The following STX2 variants were observed in gnomAD, a reference collection of about 807,000 sequenced individuals.
STX2 encodes the protein syntaxin-2.
STX2 carries 27 observed loss-of-function variants against 40.6 expected under a neutral mutation model. That is an observed-to-expected ratio of 0.66 (90% CI 0.49 to 0.92). The LOEUF (loss-of-function observed/expected upper bound fraction) is 0.92. Ranked by LOEUF, STX2 falls within the 40% of genes least tolerant of loss-of-function variation. The pLI is 0.00. For synonymous variants in STX2, 123 were observed against 119.1 expected (o/e 1.03, Z -0.22); for missense variants, 328 against 366.1 (o/e 0.90, Z 0.85).
intron 3 of STX2, among the ~76,000 whole-genome samples, 172 bp downstream of exon 3, chr12:130,821,517 A>G (rs867073467): frequency 1.3e-5 from 2 of 152,066 alleles, no homozygotes; most frequent in African/African-American, 2.4e-5. Flanking sequence ...AAAAAAAAAC[A>G]TACAGATGCC....
At chr12:130,815,941 A>G (rs924972652) in intron 3 of STX2, among the ~76,000 whole-genome samples, 2 of 152,138 alleles carry the variant, frequency 1.3e-5, no homozygotes, top group African/African-American at 4.8e-5. Flanking sequence ...TTAGAATAGT[A>G]AAGGGAACAC....
chr12:130,812,412 C>T lies in STX2; in HGVS notation c.280+545G>A, dbSNP rs148794560. 2.6e-3 allele frequency: 1,181 copies of T among 453,128 alleles called. 7 individuals are homozygous for T. The highest frequency in any genetic ancestry group is 4.1e-3 in the Non-Finnish European group (934 of 225,698). 28.1% of individuals were successfully genotyped at this position (453,128 alleles called of 1,614,324 possible). Reference sequence around the variant, plus strand: ...TGGAGCTGGGGGGTCGGCTTGTGGTCGCCTCTCTCTGCTTCTGCACACATC... The same window carrying T: ...TGGAGCTGGGGGGTCGGCTTGTGGTTGCCTCTCTCTGCTTCTGCACACATC... On this transcript the variant is annotated intron_variant, in intron 4 of 10. Coordinates refer to ENST00000392373, the MANE Select transcript of STX2 (RefSeq NM_194356.4).
chr12:130,811,328 A>G lies in STX2; in HGVS notation c.280+1629T>C, dbSNP rs1028841862. 2.1e-5 allele frequency among the ~76,000 whole-genome samples: 3 copies of G among 142,632 alleles called. No individual in the cohort carries two copies. The Admixed American group carries it at 2.2e-4, about 11-fold the overall frequency. 93.6% of individuals were successfully genotyped at this position (142,632 alleles called of 152,430 possible). A position where few individuals can be genotyped will look rare whatever the true frequency, so the allele number is the denominator to read the frequency against. On this transcript the variant is annotated intron_variant, in intron 4 of 10. Coordinates refer to ENST00000392373, the MANE Select transcript of STX2 (RefSeq NM_194356.4). ...AGCCGAGATTGTGCCACTGCACTTC[A>G]ACCTGGGTGACAGAGTGAGACTCTG...
At chr12:130,810,418 G>T (rs1951603832) in intron 4 of STX2, among the ~76,000 whole-genome samples, 1 of 152,118 alleles carries the variant, frequency 6.6e-6, no homozygotes, top group South Asian at 2.1e-4. Flanking sequence ...GAATGGTCAG[G>T]TCATCGTCAT....
chr12:130,808,696 G>C lies in STX2; in HGVS notation c.289C>G (p.Gln97Glu), dbSNP rs1186976657. ...CCACTCTCATCCTGATCAAAACTTT[G>C]TTCAATAGCTAGGAACAAATAGGAA... ...KIRAKLKAIE[Q>E]SFDQDESGNR... Residue 97 changes from glutamine (Q) to glutamate (E), a missense_variant, in exon 5 of 11, where the codon CAA becomes GAA. Physicochemically the swap from Gln to Glu is conservative, Grantham distance 29. Coordinates refer to ENST00000392373, the MANE Select transcript of STX2 (RefSeq NM_194356.4). The C allele has an allele frequency of 6.2e-7, 1 of 1,610,768 alleles. No homozygotes were observed. The highest frequency in any genetic ancestry group is 1.7e-5 in the Admixed American group (1 of 59,328).
chr12:130,791,674 A>G lies in STX2; in HGVS notation c.*349T>C. ...GTGAGAGAAGTCTCACACTGCTCAC[A>G]TTCTGTAGTGTGTCATTCAGGGTCA... is the stretch of plus-strand genomic sequence containing the variant. On this transcript the variant is annotated 3_prime_UTR_variant, in exon 11 of 11. Transcript: ENST00000392373. 1 of 473,456 alleles carries G rather than the reference A, an allele frequency of 2.1e-6. No individual in the cohort carries two copies. The highest frequency in any genetic ancestry group is 3.7e-6 in the Non-Finnish European group (1 of 268,954). The allele number at this position is 473,456 out of a possible 1,614,324, so 29.3% of individuals were successfully genotyped here. A position where few individuals can be genotyped will look rare whatever the true frequency, so the allele number is the denominator to read the frequency against.
chr12:130,826,398 G>A (rs1302931218), intron 2 of STX2, among the ~76,000 whole-genome samples: 1 of 152,146 alleles, frequency 6.6e-6, no homozygotes, highest in Non-Finnish European at 1.5e-5. Context: ...CCTCCAAAAG[G>A]CAGCCTGCAA....
intron 1 of STX2, among the ~76,000 whole-genome samples, chr12:130,836,821 C>A (rs991509181): frequency 6.6e-6 from 1 of 152,192 alleles, no homozygotes; most frequent in Admixed American, 6.5e-5. Context: ...TGAGTGGAAA[C>A]TTCCACGGAT....
At chr12:130,818,559 T>TC (rs1951979198) in intron 3 of STX2, among the ~76,000 whole-genome samples, 1 of 152,162 alleles carries the variant, frequency 6.6e-6, no homozygotes, top group South Asian at 2.1e-4. Flanking sequence ...CGCGGCTTCC[T>TC]CCAGGGCCTC....
At chr12:130,795,057 A>G (rs1320247818) in intron 10 of STX2, among the ~76,000 whole-genome samples, 4 of 152,224 alleles carry the variant, frequency 2.6e-5, no homozygotes, top group Admixed American at 2.6e-4. Context: ...GAAGTTTAGG[A>G]AAGGTGACAC....
At chr12:130,811,983 C>T (rs567817412) in intron 4 of STX2, among the ~76,000 whole-genome samples, 33 of 152,216 alleles carry the variant, frequency 2.2e-4, no homozygotes, top group African/African-American at 7.2e-4. Context: ...ATTCAGAGGA[C>T]GGCAGAGCCT....
chr12:130,806,084 G>A (rs1951421323), intron 6 of STX2, among the ~76,000 whole-genome samples: 1 of 152,200 alleles, frequency 6.6e-6, no homozygotes, highest in African/African-American at 2.4e-5. Context: ...ACAAGCAAGA[G>A]AAACTGACCA....
intron 3 of STX2, among the ~76,000 whole-genome samples, chr12:130,816,545 G>A (rs1350910968): frequency 1.3e-5 from 2 of 152,212 alleles, no homozygotes; most frequent in African/African-American, 4.8e-5. Flanking sequence ...ACGGGGATCA[G>A]GAACCTCCTC....
chr12:130,792,396 C>T (rs1206031401), intron 10 of STX2, among the ~76,000 whole-genome samples: 1 of 152,172 alleles, frequency 6.6e-6, no homozygotes. Context: ...TCCAGGATTG[C>T]TTTTAATTGG....
chr12:130,803,037 C>T (rs894010950), intron 6 of STX2, among the ~76,000 whole-genome samples: 2 of 152,092 alleles, frequency 1.3e-5, no homozygotes, highest in Non-Finnish European at 2.9e-5. Flanking sequence ...TGGAAATACA[C>T]CAAAAACCAC....
intron 5 of STX2, among the ~76,000 whole-genome samples, chr12:130,807,661 C>T (rs36050877): frequency 0.029 from 4,371 of 152,322 alleles, 133 homozygotes; most frequent in Admixed American, 0.1. Context: ...ACCACTAAAA[C>T]GTGGCGGCCT....
intron 3 of STX2, among the ~76,000 whole-genome samples, chr12:130,815,630 C>T (rs1180194236): frequency 6.6e-6 from 1 of 152,212 alleles, no homozygotes; most frequent in Admixed American, 6.5e-5. Flanking sequence ...GAAAGCTGTA[C>T]TTCAGTCTAT....
At chr12:130,796,257 T>A in intron 9 of STX2, 137 bp from the exon 10 acceptor site, 1 of 1,086,646 alleles carries the variant, frequency 9.2e-7, no homozygotes, top group South Asian at 1.7e-5. Context: ...ACTTTGGGAG[T>A]CCGAGGCGGA....
At chr12:130,839,021 A>G in intron 1 of STX2, 49 bp downstream of exon 1, 1 of 839,408 alleles carries the variant, frequency 1.2e-6, no homozygotes, top group Non-Finnish European at 1.5e-6. Flanking sequence ...CCCGCCCTCC[A>G]GACGCCGCCC....
Sources: allele counts gnomAD v4.1 joint callset (sites outside exome capture counted in the v4.1 genomes callset), GRCh38; gene constraint gnomAD v4.1.1; transcripts MANE v1.5; gene names NCBI Gene and HGNC (gene_info 2026-07-23, HGNC 2026-07-21).